Variants in COL7A1 observed in about 807,000 individuals in gnomAD.
COL7A1 encodes the protein collagen type VII alpha 1 chain.
A neutral mutation model predicts 456.2 loss-of-function variants in COL7A1; 296 were observed. The observed-to-expected ratio is 0.65, with a 90% CI of 0.59 to 0.71. The LOEUF is 0.71. Among genes scored for constraint, COL7A1 ranks in the 30% least tolerant of loss-of-function variants. The pLI is 0.00. For missense variants in COL7A1, 3,441 were observed against 4,017.2 expected (o/e 0.86, Z 3.88); for synonymous variants, 1,464 against 1,525.9 (o/e 0.96, Z 0.95).
At position 48,570,639 on chromosome 3, in the gene COL7A1, C is replaced by T. The variant is rs201728948; in HGVS notation, c.7344G>A (p.Val2448=). ...PLGPPGPPGS[V]GPPGASGLKG... is the part of the protein sequence containing the mutation. ...GGGGCTTTAGGGCACCTCTACTCAC[C>T]ACTGACCCCGGTGGTCCAGGTGGCC... The change falls in exon 96 of 119, where the codon GTG becomes GTA. Residue 2448 remains valine, a splice_region_variant and synonymous_variant. Coordinates refer to ENST00000681320, the MANE Select transcript of COL7A1 (RefSeq NM_000094.4). The surrounding 1 kb of genome is among the most constrained non-coding windows in gnomAD (Gnocchi z 5.5). 5.1e-5 allele frequency: 82 copies of T among 1,604,474 alleles called. 1 individual carries two copies. The highest frequency in any genetic ancestry group is 6.6e-5 in the Non-Finnish European group (78 of 1,174,990).
At position 48,569,777 on chromosome 3, in the gene COL7A1, T is replaced by C; in HGVS notation, c.7522-17A>G. 1.2e-6 allele frequency: 2 copies of C among 1,613,844 alleles called. No individual in the cohort carries two copies. Among genetic ancestry groups the C allele is most frequent in the Non-Finnish European group, 1.7e-6 (2 of 1,179,946 alleles). ...AACATCACCCTATTGGGCAAAAGAGTGTGAGTCCCGCCCAAACTGGGGAGG... is the reference window on the plus strand; with the variant it reads ...AACATCACCCTATTGGGCAAAAGAGCGTGAGTCCCGCCCAAACTGGGGAGG... On this transcript the variant is annotated splice_polypyrimidine_tract_variant and intron_variant, in intron 100 of 118. Coordinates refer to ENST00000681320, the MANE Select transcript of COL7A1 (RefSeq NM_000094.4). This position sits in a 1 kb window ranked among gnomAD's most constrained non-coding sequence, Gnocchi z 4.9.
In COL7A1 at chr3:48,571,812, C is replaced by A. The variant is rs2043938981; in HGVS notation, c.7068+189G>T. ...TGGGCACACAGAAGCCAAGACAGGGCCCCCAGAGCTCAGAGTGTGGAAGCC... is the reference window on the plus strand; with the variant it reads ...TGGGCACACAGAAGCCAAGACAGGGACCCCAGAGCTCAGAGTGTGGAAGCC... On this transcript the variant is annotated intron_variant, in intron 92 of 118. Coordinates refer to ENST00000681320, the MANE Select transcript of COL7A1 (RefSeq NM_000094.4). The surrounding 1 kb of genome is among the most constrained non-coding windows in gnomAD (Gnocchi z 4.6). 3 of 704,850 alleles carry A rather than the reference C, an allele frequency of 4.3e-6. No individual in the cohort carries two copies. The highest frequency in any genetic ancestry group is 7.3e-6 in the Non-Finnish European group (3 of 410,174). The allele number at this position is 704,850 out of a possible 1,614,324, so 43.7% of individuals were successfully genotyped here.
At position 48,590,125 on chromosome 3, in the gene COL7A1, G is replaced by C; in HGVS notation, c.2050+88C>G. 6.8e-7 allele frequency: 1 copy of C among 1,469,852 alleles called. No individual in the cohort carries two copies. 91.1% of individuals were successfully genotyped at this position (1,469,852 alleles called of 1,614,324 possible). ...TTCTGAAGGGGGAGGCAGGAGTTCTGGGGAGAAGCAAGGGTCTGCAAGGGA... is the reference window on the plus strand; with the variant it reads ...TTCTGAAGGGGGAGGCAGGAGTTCTCGGGAGAAGCAAGGGTCTGCAAGGGA... On this transcript the variant is annotated intron_variant, in intron 16 of 118. Transcript: ENST00000681320. This position sits in a 1 kb window ranked among gnomAD's most constrained non-coding sequence, Gnocchi z 4.6.
At position 48,587,131 on chromosome 3, in the gene COL7A1, C is replaced by T. The variant is rs989483733; in HGVS notation, c.3140-23G>A. The T allele has an allele frequency of 5.6e-6, 9 of 1,613,262 alleles. No homozygotes were observed. The highest frequency in any genetic ancestry group is 7.6e-6 in the Non-Finnish European group (9 of 1,179,852). ...ACACTGTAGGAAGGGGAACAAGTTACTGAAGCGGGCAGCCCACCCAGACAC... is the reference window on the plus strand; with the variant it reads ...ACACTGTAGGAAGGGGAACAAGTTATTGAAGCGGGCAGCCCACCCAGACAC... On this transcript the variant is annotated intron_variant, in intron 24 of 118. Transcript: ENST00000681320. The surrounding 1 kb of genome is among the most constrained non-coding windows in gnomAD (Gnocchi z 6.1).
rs2045176846 is a variant in COL7A1, at chr3:48,585,528, A to C, written c.3894+29T>G. 2 of 1,611,926 alleles carry C rather than the reference A, an allele frequency of 1.2e-6. No individual in the cohort carries two copies. The highest frequency in any genetic ancestry group is 1.7e-6 in the Non-Finnish European group (2 of 1,178,844). ...CCGAGACAGCTTTGAGGAGTGCCTC[A>C]GAGAAACCTCGATGGTCTCCACACT... On this transcript the variant is annotated intron_variant, in intron 32 of 118. Coordinates refer to ENST00000681320, the MANE Select transcript of COL7A1 (RefSeq NM_000094.4). This position sits in a 1 kb window ranked among gnomAD's most constrained non-coding sequence, Gnocchi z 4.5.
rs2045328633 is a variant in COL7A1, at chr3:48,587,148, C to T, written c.3140-40G>A. 3 of 1,613,508 alleles carry T rather than the reference C, an allele frequency of 1.9e-6. No homozygotes were observed. Among genetic ancestry groups the T allele is most frequent in the Non-Finnish European group, 2.5e-6 (3 of 1,179,940 alleles). ...ACAAGTTACTGAAGCGGGCAGCCCA[C>T]CCAGACACACCTTTCTGCCCTTCCC... is the stretch of plus-strand genomic sequence containing the variant. On this transcript the variant is annotated intron_variant, in intron 24 of 118. Coordinates refer to ENST00000681320, the MANE Select transcript of COL7A1 (RefSeq NM_000094.4). The surrounding 1 kb of genome is among the most constrained non-coding windows in gnomAD (Gnocchi z 6.1).
chr3:48,594,967 G>C lies in COL7A1; in HGVS notation c.85+108C>G, dbSNP rs1308255751. ...AATTAGGAGGAATCCGCGGGGCGTC[G>C]TGGAGTTGGCTGGGTTGTGGGCGGG... On this transcript the variant is annotated intron_variant, in intron 2 of 118. Coordinates refer to ENST00000681320, the MANE Select transcript of COL7A1 (RefSeq NM_000094.4). The surrounding 1 kb of genome is among the most constrained non-coding windows in gnomAD (Gnocchi z 5.5). 63 of 910,296 alleles carry C rather than the reference G, an allele frequency of 6.9e-5. 1 individual carries two copies. In the South Asian group the frequency reaches 9.0e-4, roughly 13 times the overall value. 56.4% of individuals were successfully genotyped at this position (910,296 alleles called of 1,614,324 possible).
rs2045576329 is a variant in COL7A1 at position 48,590,009 on chromosome 3, G to A, written c.2050+204C>T. Among the ~76,000 whole-genome samples the A allele has an allele frequency of 6.6e-6, 1 of 152,084 alleles. No homozygotes were observed. ...CAAAGGCTGTGGGAGTCTTAGGAGA[G>A]AAGCGGAGGAATCTGAATACGGGGA... On this transcript the variant is annotated intron_variant, in intron 16 of 118. Coordinates refer to ENST00000681320, the MANE Select transcript of COL7A1 (RefSeq NM_000094.4). The surrounding 1 kb of genome is among the most constrained non-coding windows in gnomAD (Gnocchi z 4.6).
chr3:48,569,943 A>C lies in COL7A1; in HGVS notation c.7486-28T>G, dbSNP rs758488826. On this transcript the variant is annotated intron_variant, in intron 99 of 118. Transcript: ENST00000681320. The surrounding 1 kb of genome is among the most constrained non-coding windows in gnomAD (Gnocchi z 4.9). Reference sequence around the variant, plus strand: ...GTGTGAGAGAAGGTGACCGTGAGCTACAGGAACCAGGGCAGTGGAGGACGG... The same window carrying C: ...GTGTGAGAGAAGGTGACCGTGAGCTCCAGGAACCAGGGCAGTGGAGGACGG... 6.2e-7 allele frequency: 1 copy of C among 1,613,856 alleles called. No homozygotes were observed. The highest frequency in any genetic ancestry group is 1.7e-5 in the Admixed American group (1 of 60,014).
Position 48,591,405 on chromosome 3 carries a change from G to C in COL7A1, c.1636+59C>G. On this transcript the variant is annotated intron_variant, in intron 13 of 118. Transcript: ENST00000681320. The surrounding 1 kb of genome is among the most constrained non-coding windows in gnomAD (Gnocchi z 7.0). ...AAGGAGAGGGCTGGAGGTACACTCA[G>C]ACCCCTCAGGCTGGAACTTCAGTGT... 6.2e-7 allele frequency: 1 copy of C among 1,603,732 alleles called. No homozygotes were observed. Among genetic ancestry groups the C allele is most frequent in the Non-Finnish European group, 8.5e-7 (1 of 1,174,104 alleles).
rs750503379 is a variant in COL7A1 at position 48,579,983 on chromosome 3, G to A, written c.5124+48C>T. The A allele has an allele frequency of 1.2e-5, 19 of 1,613,598 alleles. No homozygotes were observed. In the East Asian group the frequency reaches 2.2e-4, roughly 19 times the overall value. Reference sequence around the variant, plus strand: ...GAGGGGACATGATGTGGAGCCAAAGGGGCAAGTGAGAACAATGACAGAGGA... The same window carrying A: ...GAGGGGACATGATGTGGAGCCAAAGAGGCAAGTGAGAACAATGACAGAGGA... On this transcript the variant is annotated intron_variant, in intron 57 of 118. Transcript: ENST00000681320. This position sits in a 1 kb window ranked among gnomAD's most constrained non-coding sequence, Gnocchi z 4.4.
Position 48,579,333 on chromosome 3 carries a change from A to G in COL7A1, c.5307+36T>C, listed in dbSNP as rs996233824. 5 of 1,614,170 alleles carry G rather than the reference A, an allele frequency of 3.1e-6. No homozygotes were observed. The highest frequency in any genetic ancestry group is 3.4e-6 in the Non-Finnish European group (4 of 1,180,026). On this transcript the variant is annotated intron_variant, in intron 61 of 118. Coordinates refer to ENST00000681320, the MANE Select transcript of COL7A1 (RefSeq NM_000094.4). The surrounding 1 kb of genome is among the most constrained non-coding windows in gnomAD (Gnocchi z 4.4). ...AAGGCTGAGGTGGATCTGATAACCC[A>G]GGCTCATGTCCTGAGAAACCCCCAC...
In COL7A1 at chr3:48,586,216, C is replaced by A. The variant is rs528197285; in HGVS notation, c.3581G>T (p.Gly1194Val). The change falls in exon 28 of 119, where the codon GGA becomes GTA. Residue 1194 changes from glycine to valine, a missense_variant. Transcript: ENST00000681320. The surrounding 1 kb of genome is among the most constrained non-coding windows in gnomAD (Gnocchi z 5.1). ...GLNVVMLGMA[G>V]ADPEQLRRLA... ...GCGACGCAGCTGCTCTGGGTCCGCT[C>A]CAGCCATTCCCAACATCACCACATT... 1.9e-6 allele frequency: 3 copies of A among 1,613,614 alleles called. No individual in the cohort carries two copies. In the South Asian group the frequency reaches 3.3e-5, roughly 18 times the overall value.
rs1687221972 is a variant in COL7A1 at position 48,567,400 on chromosome 3, C to T, written c.8046+174G>A. 1 of 1,007,808 alleles carries T rather than the reference C, an allele frequency of 9.9e-7. No individual in the cohort carries two copies. Among genetic ancestry groups the T allele is most frequent in the Non-Finnish European group, 1.5e-6 (1 of 660,614 alleles). 62.4% of individuals were successfully genotyped at this position (1,007,808 alleles called of 1,614,324 possible). ...CCCCCTCCACCTCCCATGCTTTCATCCTAACTCCACTGTGACCCCAACCCA... is the reference window on the plus strand; with the variant it reads ...CCCCCTCCACCTCCCATGCTTTCATTCTAACTCCACTGTGACCCCAACCCA... On this transcript the variant is annotated intron_variant, in intron 109 of 118. Coordinates refer to ENST00000681320, the MANE Select transcript of COL7A1 (RefSeq NM_000094.4). The surrounding 1 kb of genome is among the most constrained non-coding windows in gnomAD (Gnocchi z 4.3).
chr3:48,571,357 AG>A lies in COL7A1; in HGVS notation c.7069-80del. On this transcript the variant is annotated intron_variant, in intron 92 of 118. Transcript: ENST00000681320. This position sits in a 1 kb window ranked among gnomAD's most constrained non-coding sequence, Gnocchi z 4.6. Reference sequence around the variant, plus strand: ...TCAGACACGGGCTGAAAATATTCCCAGGGGAGTTCTGATGTGACCATGAACA... The same window carrying A: ...TCAGACACGGGCTGAAAATATTCCCAGGGAGTTCTGATGTGACCATGAACA... The A allele has an allele frequency of 6.4e-7, 1 of 1,568,054 alleles. No individual in the cohort carries two copies. The highest frequency in any genetic ancestry group is 8.8e-7 in the Non-Finnish European group (1 of 1,140,992).
chr3:48,573,828 G>C lies in COL7A1; in HGVS notation c.6537+27C>G, dbSNP rs1291328327. ...GGGGCAGGGCACAGGATGGGGGCAA[G>C]ACAGGTGAAGGTTCTTGGGTACTCA... is the stretch of plus-strand genomic sequence containing the variant. On this transcript the variant is annotated intron_variant, in intron 81 of 118. Transcript: ENST00000681320. The surrounding 1 kb of genome is among the most constrained non-coding windows in gnomAD (Gnocchi z 5.5). 2.5e-6 allele frequency: 4 copies of C among 1,613,982 alleles called. No homozygotes were observed. The highest frequency in any genetic ancestry group is 3.4e-6 in the Non-Finnish European group (4 of 1,180,010).
chr3:48,592,362 C>T lies in COL7A1; in HGVS notation c.1082G>A (p.Arg361Gln), dbSNP rs1256007110. 4.3e-6 allele frequency: 7 copies of T among 1,613,542 alleles called. No homozygotes were observed. Among genetic ancestry groups the T allele is most frequent in the African/African-American group, 1.3e-5 (1 of 75,036 alleles). Residue 361 changes from arginine to glutamine, a missense_variant, in exon 9 of 119, where the codon CGG becomes CAG. Transcript: ENST00000681320. This position sits in a 1 kb window ranked among gnomAD's most constrained non-coding sequence, Gnocchi z 7.6. ...CATCTCTCACTCACCACTGAGGACC[C>T]GCCATGTCACACGGTAGCCAGTGGC... ...PGATGYRVTW[R>Q]VLSGGPTQQQ...
chr3:48,584,705 C>T lies in COL7A1; in HGVS notation c.4047+29G>A, dbSNP rs750194337. 3.1e-6 allele frequency: 5 copies of T among 1,613,916 alleles called. No homozygotes were observed. The Admixed American group carries it at 8.3e-5, about 27-fold the overall frequency. On this transcript the variant is annotated intron_variant, in intron 35 of 118. Coordinates refer to ENST00000681320, the MANE Select transcript of COL7A1 (RefSeq NM_000094.4). ...CAGTCCTGCTCCTCCCTGGGACATC[C>T]CGGCCGCCTCCCTTCCCCCTTCACC...
chr3:48,588,878 C>G lies in COL7A1; in HGVS notation c.2432G>C (p.Arg811Pro). ...GATAYRLAWG[R>P]SEGGPMRHQI... The stretch of plus-strand genomic sequence containing the variant: ...GCGTCAGGGAGCCATACCTTCACTC[C>G]GGCCCCAGGCCAGTCTGTAAGCTGT... Residue 811 changes from arginine (R) to proline (P), a missense_variant, in exon 19 of 119, where the codon CGG (arginine) becomes CCG (proline). Physicochemically the swap from Arg to Pro is moderately radical, Grantham distance 103. Coordinates refer to ENST00000681320, the MANE Select transcript of COL7A1 (RefSeq NM_000094.4). The surrounding 1 kb of genome is among the most constrained non-coding windows in gnomAD (Gnocchi z 4.6). The G allele has an allele frequency of 6.2e-7, 1 of 1,613,644 alleles. No individual in the cohort carries two copies. Among genetic ancestry groups the G allele is most frequent in the South Asian group, 1.1e-5 (1 of 91,092 alleles).
Sources: gnomAD v4.1 joint callset for allele counts (sites outside exome capture counted in the v4.1 genomes callset) on GRCh38, gnomAD v4.1.1 for gene constraint, Gnocchi (gnomAD v3.1) non-coding constraint, MANE v1.5 for transcripts, NCBI Gene and HGNC (gene_info 2026-07-23, HGNC 2026-07-21) for gene names.